The following PIK3CB variants were observed in gnomAD, a reference collection of about 807,000 sequenced individuals.
PIK3CB encodes the protein phosphatidylinositol 4,5-bisphosphate 3-kinase catalytic subunit beta isoform.
In PIK3CB, 39 loss-of-function variants were observed where a neutral mutation model predicts 136.8. That is an observed-to-expected ratio of 0.29 (90% CI 0.22 to 0.37). The LOEUF is 0.37. PIK3CB is among the 10% of genes least tolerant of loss of function. The pLI, the probability that PIK3CB is intolerant of heterozygous loss-of-function variation, is 1.00. For synonymous variants in PIK3CB, 428 were observed against 436.6 expected, an observed-to-expected ratio of 0.98 and a Z score of 0.25; for missense variants, 868 against 1,275.4, an observed-to-expected ratio of 0.68 and a Z score of 4.87.
chr3:138,684,811 A>G lies in PIK3CB; in HGVS notation c.2137-8T>C, dbSNP rs1469901177. 1 of 1,602,300 alleles carries G rather than the reference A, an allele frequency of 6.2e-7. No individual in the cohort carries two copies. The highest frequency in any genetic ancestry group is 1.1e-5 in the South Asian group (1 of 89,592). ...CTTATTGAGTGCTTCAACCTGAAAAATAAGTTCCCCACACCAAAAATTCAT... is the reference window on the plus strand; with the variant it reads ...CTTATTGAGTGCTTCAACCTGAAAAGTAAGTTCCCCACACCAAAAATTCAT... On this transcript the variant is annotated splice_polypyrimidine_tract_variant and splice_region_variant and intron_variant, in intron 16 of 23. Transcript: ENST00000674063.
intron 12 of PIK3CB, among the ~76,000 whole-genome samples, chr3:138,702,591 C>T (rs970601997): frequency 6.6e-6 from 1 of 152,052 alleles, no homozygotes; most frequent in African/African-American, 2.4e-5. Context: ...GGCACTTGAA[C>T]CAAGACCTGC....
chr3:138,761,129 T>C (rs758239115), intron 2 of PIK3CB, among the ~76,000 whole-genome samples: 3 of 152,196 alleles, frequency 2.0e-5, no homozygotes, highest in Admixed American at 1.3e-4. Flanking sequence ...AATCCCCTGA[T>C]CTTAGCATTA....
chr3:138,774,027 C>T (rs770153740), intron 2 of PIK3CB, among the ~76,000 whole-genome samples: 3 of 152,192 alleles, frequency 2.0e-5, no homozygotes, highest in Non-Finnish European at 4.4e-5. Context: ...AACATAGAGA[C>T]CTTCTCTAGC....
At chr3:138,775,746 T>C (rs2045850737) in intron 2 of PIK3CB, among the ~76,000 whole-genome samples, 1 of 152,212 alleles carries the variant, frequency 6.6e-6, no homozygotes, top group Non-Finnish European at 1.5e-5. Context: ...CACATGTTAC[T>C]ATGTCTAAGA....
chr3:138,785,159 G>A (rs1426963634), intron 2 of PIK3CB, among the ~76,000 whole-genome samples: 2 of 150,752 alleles, frequency 1.3e-5, no homozygotes, highest in Non-Finnish European at 3.0e-5. Flanking sequence ...GGCAGCCCCC[G>A]CCCGGTCAGC....
intron 2 of PIK3CB, among the ~76,000 whole-genome samples, chr3:138,782,767 GA>G (rs1273815779): frequency 4.6e-5 from 7 of 152,274 alleles, no homozygotes; most frequent in African/African-American, 1.7e-4. Context: ...TCACAAGATG[GA>G]AGAAACCATT....
chr3:138,824,733 G>C (rs537094772), intron 1 of PIK3CB, among the ~76,000 whole-genome samples: 2 of 151,606 alleles, frequency 1.3e-5, no homozygotes, highest in Non-Finnish European at 2.9e-5. Context: ...ATACATTCTC[G>C]GGGAGAAGGG....
chr3:138,734,561 T>C (rs1482594497), intron 7 of PIK3CB, 73 bp downstream of exon 7: 22 of 1,091,960 alleles, frequency 2.0e-5, no homozygotes, highest in Non-Finnish European at 2.6e-5. Flanking sequence ...AAAGGAAATA[T>C]GTGTGAAACT....
intron 2 of PIK3CB, among the ~76,000 whole-genome samples, chr3:138,794,960 G>A (rs892486339): frequency 6.6e-6 from 1 of 151,830 alleles, no homozygotes; most frequent in Non-Finnish European, 1.5e-5. Context: ...GATCACTTGA[G>A]CCCAGAAGTG....
intron 14 of PIK3CB, among the ~76,000 whole-genome samples, chr3:138,692,991 C>T (rs1271370918): frequency 6.6e-6 from 1 of 152,060 alleles, no homozygotes; most frequent in Non-Finnish European, 1.5e-5. Flanking sequence ...AGATATATCC[C>T]TATGACAGAA....
rs2108380410 is a variant in PIK3CB at position 138,655,328 on chromosome 3, T to C, written c.*61A>G. On this transcript the variant is annotated 3_prime_UTR_variant, in exon 24 of 24. Transcript: ENST00000674063. ...TCTAACAGGGTCATGTTCAATTTAG[T>C]GCAAGTGCAAAATGAAAATGAAATG... 1.3e-6 allele frequency: 2 copies of C among 1,527,454 alleles called. No homozygotes were observed. Among genetic ancestry groups the C allele is most frequent in the Admixed American group, 1.7e-5 (1 of 58,788 alleles). The allele number at this position is 1,527,454 out of a possible 1,614,324, so 94.6% of individuals were successfully genotyped here. A position where few individuals can be genotyped will look rare whatever the true frequency, so the allele number is the denominator to read the frequency against.
intron 8 of PIK3CB, among the ~76,000 whole-genome samples, chr3:138,732,403 C>T (rs1365930276): frequency 6.6e-6 from 1 of 152,138 alleles, no homozygotes; most frequent in African/African-American, 2.4e-5. Context: ...CTTTAATACC[C>T]ATGTACAAAA....
At position 138,699,466 on chromosome 3, in the gene PIK3CB, C is replaced by T. The variant is rs189551193; in HGVS notation, c.1582-371G>A. Among the ~76,000 whole-genome samples the T allele has an allele frequency of 1.1e-4, 16 of 151,042 alleles. No individual in the cohort carries two copies. The East Asian group carries it at 2.0e-3, about 18-fold the overall frequency. Reference sequence around the variant, plus strand: ...AGGAGTTTGAGACTAGCCTGGGCAACGTGGTGAAAACCCGTCTTTACAAAA... The same window carrying T: ...AGGAGTTTGAGACTAGCCTGGGCAATGTGGTGAAAACCCGTCTTTACAAAA... On this transcript the variant is annotated intron_variant, in intron 12 of 23. Transcript: ENST00000674063.
At chr3:138,689,987 T>C (rs374579406) in intron 15 of PIK3CB, among the ~76,000 whole-genome samples, 104 of 152,244 alleles carry the variant, frequency 6.8e-4, no homozygotes, top group African/African-American at 2.1e-3. Context: ...ACTTAAAAAG[T>C]GATGTACATA....
intron 1 of PIK3CB, among the ~76,000 whole-genome samples, chr3:138,806,272 G>A (rs1047826544): frequency 7.9e-5 from 12 of 152,236 alleles, no homozygotes; most frequent in African/African-American, 2.9e-4. Context: ...GATCACTTGA[G>A]GTCAAAAGTT....
chr3:138,777,398 GC>G (rs1473882778), intron 2 of PIK3CB, among the ~76,000 whole-genome samples: 1 of 152,210 alleles, frequency 6.6e-6, no homozygotes, highest in Admixed American at 6.5e-5. Context: ...TAGCCACCAA[GC>G]AGTGAACAGC....
chr3:138,699,940 G>A lies in PIK3CB; in HGVS notation c.1582-845C>T, dbSNP rs149752859. Among the ~76,000 whole-genome samples the A allele has an allele frequency of 6.9e-3, 1,048 of 152,178 alleles. 13 individuals carry two copies. The highest frequency in any genetic ancestry group is 0.024 in the African/African-American group (1,013 of 41,520). On this transcript the variant is annotated intron_variant, in intron 12 of 23. Coordinates refer to ENST00000674063, the MANE Select transcript of PIK3CB (RefSeq NM_006219.3). ...ACACAGGCCAGGTATGGTGGCTCAC[G>A]CCTGTAATCCCAGCACTTTGTGAGG...
intron 20 of PIK3CB, among the ~76,000 whole-genome samples, chr3:138,664,755 C>T (rs2043370084): frequency 6.6e-6 from 1 of 152,188 alleles, no homozygotes; most frequent in African/African-American, 2.4e-5. Context: ...AGCTGATGCA[C>T]TTGAACAAAG....
intron 2 of PIK3CB, among the ~76,000 whole-genome samples, chr3:138,763,580 C>G (rs1038727833): frequency 3.3e-5 from 5 of 152,196 alleles, no homozygotes; most frequent in Admixed American, 3.3e-4. Flanking sequence ...ACCAAATCAC[C>G]CAATTAATAC....
Sources: gnomAD v4.1 joint callset for allele counts (sites outside exome capture counted in the v4.1 genomes callset) on GRCh38, gnomAD v4.1.1 for gene constraint, MANE v1.5 for transcripts, NCBI Gene and HGNC (gene_info 2026-07-23, HGNC 2026-07-21) for gene names.